Variants in ACTR10 observed in about 807,000 individuals in gnomAD.
ACTR10 encodes the protein actin related protein 10.
In ACTR10, 43 loss-of-function variants were observed where a neutral mutation model predicts 56.2. The observed-to-expected ratio is 0.77, with a 90% CI of 0.60 to 0.99. The LOEUF is 0.99. ACTR10 is among the 50% of genes least tolerant of loss of function. The probability of loss-of-function intolerance (pLI) is 0.00; values close to 1 mark genes in which losing one functional copy is unlikely to be tolerated. For missense variants in ACTR10, 466 were observed against 507.8 expected (o/e 0.92, Z 0.79); for synonymous variants, 170 against 176.3 (o/e 0.96, Z 0.28).
At chr14:58,202,255 T>C (rs1249839114) in intron 1 of ACTR10, among the ~76,000 whole-genome samples, 2 of 152,066 alleles carry the variant, frequency 1.3e-5, no homozygotes, top group African/African-American at 4.8e-5. Context: ...GTTGTAGATA[T>C]GTCTTGCCTA....
chr14:58,207,727 C>T (rs1201478631), intron 2 of ACTR10, among the ~76,000 whole-genome samples: 4 of 152,328 alleles, frequency 2.6e-5, no homozygotes, highest in Non-Finnish European at 4.4e-5. Flanking sequence ...ACTTCCATTA[C>T]CACAGACTAA....
intron 7 of ACTR10, among the ~76,000 whole-genome samples, chr14:58,216,735 C>A (rs1889143626): frequency 6.6e-6 from 1 of 152,126 alleles, no homozygotes; most frequent in Admixed American, 6.6e-5. Flanking sequence ...CATGACTCAG[C>A]TGGAATGTCA....
At chr14:58,205,390 C>T (rs1226732884) in intron 2 of ACTR10, among the ~76,000 whole-genome samples, 3 of 147,368 alleles carry the variant, frequency 2.0e-5, no homozygotes, top group Non-Finnish European at 3.0e-5. Context: ...TCTGGGCTCA[C>T]TACAAGCCCC....
intron 10 of ACTR10, among the ~76,000 whole-genome samples, chr14:58,224,803 A>G (rs1376604768): frequency 6.6e-6 from 1 of 152,104 alleles, no homozygotes; most frequent in East Asian, 1.9e-4. Flanking sequence ...CAGCCTGACC[A>G]ACAAGGAGAA....
chr14:58,204,300 C>T (rs1018271757), intron 2 of ACTR10, among the ~76,000 whole-genome samples: 2 of 151,910 alleles, frequency 1.3e-5, no homozygotes, highest in Admixed American at 6.6e-5. Flanking sequence ...AGGAGAATGG[C>T]GTGAACTCGG....
At chr14:58,215,655 C>G (rs1285737633) in intron 7 of ACTR10, among the ~76,000 whole-genome samples, 3 of 151,920 alleles carry the variant, frequency 2.0e-5, no homozygotes, top group African/African-American at 7.3e-5. Flanking sequence ...CCTTCTTTTT[C>G]TCTACTGGCT....
At chr14:58,200,363 C>T (rs113130132) in intron 1 of ACTR10, 69 bp downstream of exon 1, 2 of 1,326,514 alleles carry the variant, frequency 1.5e-6, no homozygotes, top group South Asian at 3.7e-5. Flanking sequence ...CAGGCACTGC[C>T]TGGGTCCTCA....
At chr14:58,216,361 C>G (rs1889134020) in intron 7 of ACTR10, among the ~76,000 whole-genome samples, 1 of 152,144 alleles carries the variant, frequency 6.6e-6, no homozygotes, top group Admixed American at 6.6e-5. Flanking sequence ...AACTCCTGAG[C>G]TCAAGCAATC....
At chr14:58,217,385 C>T (rs925694064) in intron 7 of ACTR10, among the ~76,000 whole-genome samples, 6 of 151,862 alleles carry the variant, frequency 4.0e-5, no homozygotes, top group Non-Finnish European at 7.4e-5. Context: ...AATGCAAATA[C>T]GGCTGGGCAC....
chr14:58,208,692 T>C (rs1171047347), intron 3 of ACTR10, among the ~76,000 whole-genome samples: 1 of 151,438 alleles, frequency 6.6e-6, no homozygotes, highest in East Asian at 1.9e-4. Flanking sequence ...GCACTCCAAC[T>C]TGGGCAACAG....
chr14:58,224,146 G>A (rs1208003831), intron 10 of ACTR10, among the ~76,000 whole-genome samples: 2 of 151,880 alleles, frequency 1.3e-5, no homozygotes, highest in African/African-American at 4.8e-5. Context: ...GATTACAGGT[G>A]CCTGCCACCA....
chr14:58,225,576 T>C (rs1304758565), intron 10 of ACTR10, among the ~76,000 whole-genome samples: 1 of 152,162 alleles, frequency 6.6e-6, no homozygotes, highest in Admixed American at 6.5e-5. Context: ...TTTTATATCA[T>C]TTTAATCTCT....
intron 12 of ACTR10, among the ~76,000 whole-genome samples, chr14:58,233,398 T>C (rs1376960697): frequency 6.6e-6 from 1 of 152,152 alleles, no homozygotes; most frequent in Non-Finnish European, 1.5e-5. Context: ...TTAGGAAATA[T>C]GCTAGAAAAA....
intron 6 of ACTR10, among the ~76,000 whole-genome samples, chr14:58,214,320 A>G (rs193068979): frequency 4.1e-4 from 62 of 152,172 alleles, no homozygotes; most frequent in African/African-American, 1.4e-3. Context: ...CTCCAGTTCC[A>G]TCAATGTTGT....
At chr14:58,216,663 A>G (rs1323816836) in intron 7 of ACTR10, among the ~76,000 whole-genome samples, 6 of 152,084 alleles carry the variant, frequency 3.9e-5, no homozygotes, top group Admixed American at 1.3e-4. Flanking sequence ...CTGTGCCTTC[A>G]TTTATTCTTT....
At chr14:58,211,262 T>G in intron 4 of ACTR10, 30 bp from the exon 5 acceptor site, 1 of 1,503,336 alleles carries the variant, frequency 6.7e-7, no homozygotes, top group Non-Finnish European at 9.2e-7. Flanking sequence ...CTCATTCCGG[T>G]TTTGTTGTAT....
chr14:58,231,964 A>G lies in ACTR10; in HGVS notation c.871-102A>G, dbSNP rs981692010. On this transcript the variant is annotated intron_variant, in intron 11 of 12. Transcript: ENST00000254286. ...CTGTTTAATCTGTAGTATAATAATA[A>G]TATGTATAATAATAGTATATTTATG... is the stretch of plus-strand genomic sequence containing the variant. 7 of 592,268 alleles carry G rather than the reference A, an allele frequency of 1.2e-5. No homozygotes were observed. In the Admixed American group the frequency reaches 2.2e-4, roughly 19 times the overall value. The allele number at this position is 592,268 out of a possible 1,614,324, so 36.7% of individuals were successfully genotyped here.
At chr14:58,208,059 AT>A (rs1210852897) in intron 3 of ACTR10, 41 bp downstream of exon 3, 2 of 1,462,502 alleles carry the variant, frequency 1.4e-6, no homozygotes, top group Admixed American at 2.8e-5. Context: ...GATTAGATAG[AT>A]TTTCCTAATG....
chr14:58,221,496 A>T (rs1298127455), intron 8 of ACTR10, among the ~76,000 whole-genome samples: 2 of 152,098 alleles, frequency 1.3e-5, no homozygotes, highest in Non-Finnish European at 2.9e-5. Flanking sequence ...AGAGGGGCTG[A>T]GGTGGGAGGA....
Sources: gnomAD v4.1 joint callset for allele counts (sites outside exome capture counted in the v4.1 genomes callset) on GRCh38, gnomAD v4.1.1 for gene constraint, MANE v1.5 for transcripts, NCBI Gene and HGNC (gene_info 2026-07-23, HGNC 2026-07-21) for gene names.